Variants in TNFSF4 observed in about 807,000 individuals in gnomAD.
The protein encoded by TNFSF4 is TNF superfamily member 4.
A neutral mutation model predicts 7.3 loss-of-function variants in TNFSF4; 4 were observed. The observed-to-expected ratio is 0.55, with a 90% CI of 0.27 to 1.25. TNFSF4 has a LOEUF of 1.25. Among genes scored for constraint, TNFSF4 ranks in the 50% most tolerant of loss-of-function variants. The probability of loss-of-function intolerance (pLI) is 0.12; values close to 1 mark genes in which losing one functional copy is unlikely to be tolerated. For missense variants in TNFSF4, 181 were observed against 208.8 expected, an observed-to-expected ratio of 0.87 and a Z score of 0.82; for synonymous variants, 76 against 83.7, an observed-to-expected ratio of 0.91 and a Z score of 0.50.
the TNFSF4 span, among the ~76,000 whole-genome samples, chr1:173,172,954 G>A: frequency 6.6e-6 from 1 of 152,072 alleles, no homozygotes; most frequent in African/African-American, 2.4e-5. Flanking sequence ...ATGACGGCAG[G>A]GGAAGCAAAC....
At chr1:173,400,084 C>T in the TNFSF4 span, among the ~76,000 whole-genome samples, 1 of 152,218 alleles carries the variant, frequency 6.6e-6, no homozygotes, top group Non-Finnish European at 1.5e-5. Context: ...CATAAGCTTA[C>T]AGAATGACTT....
the TNFSF4 span, among the ~76,000 whole-genome samples, chr1:173,322,867 G>A: frequency 6.6e-6 from 1 of 152,200 alleles, no homozygotes; most frequent in East Asian, 1.9e-4. Flanking sequence ...TCAGGCTTGA[G>A]TAGGTAAACA....
the TNFSF4 span, among the ~76,000 whole-genome samples, chr1:173,292,613 CA>C: frequency 1.3e-5 from 2 of 150,786 alleles, no homozygotes; most frequent in Non-Finnish European, 2.9e-5. Context: ...CACATCTATT[CA>C]ACGTAGTACT....
the TNFSF4 span, among the ~76,000 whole-genome samples, chr1:173,238,697 G>A: frequency 0.64 from 96,966 of 150,576 alleles, 33,772 homozygotes; most frequent in African/African-American, 0.92. Flanking sequence ...CAAAACCACA[G>A]TGAGATCCCA....
chr1:173,389,306 T>C, the TNFSF4 span, among the ~76,000 whole-genome samples: 2 of 152,244 alleles, frequency 1.3e-5, no homozygotes, highest in East Asian at 1.9e-4. Context: ...TACCAGAAAA[T>C]TTCATTTTTA....
At chr1:173,191,274 C>T (rs1649465520) in intron 1 of TNFSF4, among the ~76,000 whole-genome samples, 1 of 152,122 alleles carries the variant, frequency 6.6e-6, no homozygotes, top group South Asian at 2.1e-4. Context: ...AGTAGATCAA[C>T]CTGGAGGAAG....
the TNFSF4 span, among the ~76,000 whole-genome samples, chr1:173,394,943 TAGACAGACAGAC>T: frequency 1.3e-5 from 2 of 149,684 alleles, no homozygotes; most frequent in Non-Finnish European, 1.5e-5. Context: ...GATAGATAGA[TAGACAGACAGAC>T]AGACAGACAG....
chr1:173,396,353 T>A, the TNFSF4 span, among the ~76,000 whole-genome samples: 472 of 151,722 alleles, frequency 3.1e-3, 1 homozygote, highest in African/African-American at 0.01. Flanking sequence ...CTATGAAAAA[T>A]TTTAAAAATT....
chr1:173,229,338 C>T, the TNFSF4 span, among the ~76,000 whole-genome samples: 1 of 152,150 alleles, frequency 6.6e-6, no homozygotes, highest in Non-Finnish European at 1.5e-5. Flanking sequence ...AACTAAGCTT[C>T]ATAAGTGAAG....
At chr1:173,225,368 T>C in the TNFSF4 span, among the ~76,000 whole-genome samples, 1 of 152,184 alleles carries the variant, frequency 6.6e-6, no homozygotes, top group Non-Finnish European at 1.5e-5. Context: ...TGGAAAATCA[T>C]AAATAATCCA....
the TNFSF4 span, among the ~76,000 whole-genome samples, chr1:173,306,894 T>C: frequency 6.6e-6 from 1 of 151,810 alleles, no homozygotes; most frequent in Non-Finnish European, 1.5e-5. Flanking sequence ...CCTCCAACTC[T>C]CACCTTTAGA....
At chr1:173,229,744 CA>C in the TNFSF4 span, among the ~76,000 whole-genome samples, 20 of 143,788 alleles carry the variant, frequency 1.4e-4, no homozygotes, top group African/African-American at 4.9e-4. Context: ...GAAGATCTAC[CA>C]AGCAAATGGA....
chr1:173,189,239 G>C (rs184910847), intron 1 of TNFSF4, among the ~76,000 whole-genome samples: 1 of 152,150 alleles, frequency 6.6e-6, no homozygotes, highest in Admixed American at 6.5e-5. Context: ...ATATTGTTAA[G>C]AAACCTATTC....
chr1:173,322,568 T>G, the TNFSF4 span, among the ~76,000 whole-genome samples: 1 of 152,076 alleles, frequency 6.6e-6, no homozygotes, highest in African/African-American at 2.4e-5. Flanking sequence ...ACACTGTGCA[T>G]GAGCTGAAGC....
At chr1:173,180,360 TTACATTTCTAG>T (rs1220097883), downstream of TNFSF4, among the ~76,000 whole-genome samples, 20 of 152,312 alleles carry the variant, frequency 1.3e-4, no homozygotes, top group Middle Eastern at 3.4e-3. Context: ...ATATTTGTCT[TTACATTTCTAG>T]TACCTAGCAC....
At chr1:173,370,417 C>T in the TNFSF4 span, among the ~76,000 whole-genome samples, 6 of 152,112 alleles carry the variant, frequency 3.9e-5, no homozygotes, top group Admixed American at 2.0e-4. Context: ...CATATCATTG[C>T]GACTGGAGTC....
At chr1:173,327,756 C>T in the TNFSF4 span, among the ~76,000 whole-genome samples, 1 of 152,154 alleles carries the variant, frequency 6.6e-6, no homozygotes, top group African/African-American at 2.4e-5. Context: ...TGAAAAAATG[C>T]CCATCATCAC....
the TNFSF4 span, among the ~76,000 whole-genome samples, chr1:173,443,431 T>C: frequency 6.6e-6 from 1 of 152,184 alleles, no homozygotes; most frequent in African/African-American, 2.4e-5. Context: ...CAATGGAATA[T>C]AATGCAGCCA....
chr1:173,390,737 C>CTTTTTTTTTT, the TNFSF4 span, among the ~76,000 whole-genome samples: 3 of 131,588 alleles, frequency 2.3e-5, no homozygotes, highest in South Asian at 2.3e-4. Context: ...CATTCTGCTT[C>CTTTTTTTTTT]TTTTTTTTTT....
Sources: gnomAD v4.1 joint callset for allele counts (sites outside exome capture counted in the v4.1 genomes callset) on GRCh38, gnomAD v4.1.1 for gene constraint, MANE v1.5 for transcripts, NCBI Gene and HGNC (gene_info 2026-07-23, HGNC 2026-07-21) for gene names.